NTRK2: variants seen among roughly 807,000 people sequenced by gnomAD.
The protein encoded by NTRK2 is neurotrophic receptor tyrosine kinase 2.
In NTRK2, 13 loss-of-function variants were observed where a neutral mutation model predicts 94.5. The ratio of observed to expected loss-of-function variants is 0.14; its 90% confidence interval spans 0.09 to 0.22. The LOEUF is 0.22. NTRK2 is among the 10% of genes least tolerant of loss of function. The pLI is 1.00. For synonymous variants in NTRK2, 372 were observed against 407.4 expected (o/e 0.91, Z 1.05); for missense variants, 639 against 1,071.2 (o/e 0.60, Z 5.63).
chr9:84,946,965 A>T (rs1213743458), intron 15 of NTRK2, among the ~76,000 whole-genome samples: 1 of 151,206 alleles, frequency 6.6e-6, no homozygotes, highest in Non-Finnish European at 1.5e-5. Flanking sequence ...GCTTTTATTT[A>T]TTTATTTGGA....
intron 17 of NTRK2, among the ~76,000 whole-genome samples, chr9:84,996,630 C>T (rs4242630): frequency 0.73 from 110,800 of 152,158 alleles, 40,991 homozygotes; most frequent in African/African-American, 0.82. Context: ...GCTGGGGTAG[C>T]GAGCCCTGCA....
At chr9:84,840,495 C>T (rs1024487169) in intron 12 of NTRK2, among the ~76,000 whole-genome samples, 1 of 152,054 alleles carries the variant, frequency 6.6e-6, no homozygotes, top group African/African-American at 2.4e-5. Flanking sequence ...ACCGCCCTCC[C>T]CATGTGCACT....
chr9:84,844,117 C>G (rs1052595838), intron 12 of NTRK2, among the ~76,000 whole-genome samples: 1 of 152,124 alleles, frequency 6.6e-6, no homozygotes, highest in South Asian at 2.1e-4. Flanking sequence ...TTGATCCATT[C>G]TAAGTAACAA....
At chr9:85,000,181 C>G (rs1244285618) in intron 17 of NTRK2, among the ~76,000 whole-genome samples, 1 of 152,156 alleles carries the variant, frequency 6.6e-6, no homozygotes, top group African/African-American at 2.4e-5. Flanking sequence ...CAGCCTCCCC[C>G]ACTGTTAACA....
At position 84,895,459 on chromosome 9, in the gene NTRK2, G is replaced by T. The variant is rs572853684; in HGVS notation, c.1633+28028G>T. ...AATCAAATCCTAGAGGAGAGACAGG[G>T]AATTCTCTTCACATTTCTCTGGAGC... On this transcript the variant is annotated intron_variant, in intron 14 of 18. Transcript: ENST00000277120. 3.9e-5 allele frequency among the ~76,000 whole-genome samples: 6 copies of T among 152,294 alleles called. No individual in the cohort carries two copies. In the South Asian group the frequency reaches 1.2e-3, roughly 32 times the overall value.
intron 2 of NTRK2, among the ~76,000 whole-genome samples, chr9:84,679,708 G>A (rs2059276256): frequency 6.6e-6 from 1 of 152,114 alleles, no homozygotes; most frequent in Non-Finnish European, 1.5e-5. Context: ...TTCCTTTTCT[G>A]TTCAAGAATT....
chr9:84,755,410 C>T (rs143131209), intron 12 of NTRK2, among the ~76,000 whole-genome samples: 31 of 152,114 alleles, frequency 2.0e-4, no homozygotes, highest in African/African-American at 7.2e-4. Flanking sequence ...CAACTCCGTC[C>T]ACCTAAGTTC....
At chr9:84,975,388 A>G (rs1826709870) in intron 17 of NTRK2, among the ~76,000 whole-genome samples, 1 of 152,358 alleles carries the variant, frequency 6.6e-6, no homozygotes, top group Non-Finnish European at 1.5e-5. Flanking sequence ...GCAAAAACAG[A>G]AATGGAATCA....
chr9:84,827,241 TA>T (rs1564358930), intron 12 of NTRK2, among the ~76,000 whole-genome samples: 1 of 152,128 alleles, frequency 6.6e-6, no homozygotes, highest in Non-Finnish European at 1.5e-5. Context: ...AAGTAACAGT[TA>T]AAGGGAGGAG....
chr9:84,816,101 A>G (rs537646018), intron 12 of NTRK2, among the ~76,000 whole-genome samples: 107 of 152,268 alleles, frequency 7.0e-4, no homozygotes, highest in African/African-American at 2.3e-3. Context: ...ATAAGAGAGT[A>G]TACTCAATGC....
chr9:84,861,937 T>C (rs2061910522), intron 13 of NTRK2, among the ~76,000 whole-genome samples: 1 of 152,170 alleles, frequency 6.6e-6, no homozygotes, highest in Admixed American at 6.5e-5. Flanking sequence ...CACCCTATGC[T>C]TGTTCATCCT....
intron 17 of NTRK2, among the ~76,000 whole-genome samples, chr9:84,986,204 G>T (rs538790556): frequency 6.6e-6 from 1 of 151,842 alleles, no homozygotes; most frequent in African/African-American, 2.4e-5. Context: ...GCTGCCCCCC[G>T]ACCCCTGCTC....
At chr9:85,011,863 G>A (rs1447196358) in intron 17 of NTRK2, among the ~76,000 whole-genome samples, 1 of 152,090 alleles carries the variant, frequency 6.6e-6, no homozygotes, top group African/African-American at 2.4e-5. Context: ...GTGCGCTTGG[G>A]TCGGTCCCTT....
intron 11 of NTRK2, among the ~76,000 whole-genome samples, chr9:84,750,327 C>G (rs2064474697): frequency 6.6e-6 from 1 of 152,086 alleles, no homozygotes. Context: ...AGTTCTACAC[C>G]CTGGCAGTGA....
At chr9:84,677,182 G>A (rs1186673986) in intron 2 of NTRK2, among the ~76,000 whole-genome samples, 2 of 152,106 alleles carry the variant, frequency 1.3e-5, no homozygotes, top group Admixed American at 6.5e-5. Context: ...TGCCACAGTC[G>A]GGGGTGCTTA....
Position 85,025,695 on chromosome 9 carries a change from C to T in NTRK2, c.*4258C>T, listed in dbSNP as rs1317270764. On this transcript the variant is annotated 3_prime_UTR_variant, in exon 19 of 19. Coordinates refer to ENST00000277120, the MANE Select transcript of NTRK2 (RefSeq NM_006180.6). ...CTTGCTTCCCCATTTTCTTTTTCATCCCCTGTCTCAGGACTTTTATTTTCA... is the reference window on the plus strand; with the variant it reads ...CTTGCTTCCCCATTTTCTTTTTCATTCCCTGTCTCAGGACTTTTATTTTCA... The T allele has an allele frequency of 2.6e-5, 6 of 233,074 alleles. No individual in the cohort carries two copies. Among genetic ancestry groups the T allele is most frequent in the Admixed American group, 5.6e-5 (1 of 17,784 alleles). The allele number at this position is 233,074 out of a possible 1,614,324, so 14.4% of individuals were successfully genotyped here.
At chr9:84,750,034 A>G (rs939639470) in intron 11 of NTRK2, among the ~76,000 whole-genome samples, 2 of 152,206 alleles carry the variant, frequency 1.3e-5, no homozygotes, top group African/African-American at 2.4e-5. Flanking sequence ...TTTAAAGGTT[A>G]GCCTTTTTCT....
chr9:84,725,890 G>C (rs541145201), intron 8 of NTRK2, among the ~76,000 whole-genome samples: 9 of 152,224 alleles, frequency 5.9e-5, no homozygotes, highest in African/African-American at 2.2e-4. Context: ...TACATGTGCA[G>C]AGTTCAGCTG....
Position 84,934,245 on chromosome 9 carries a change from T to C in NTRK2, c.1717T>C (p.Cys573Arg). ...CTTTGGAAAAGTGTTCCTAGCTGAA[T>C]GCTATAACCTCTGTCCTGAGCAGGA... Reference protein sequence around the residue: ...GAFGKVFLAECYNLCPEQDKI... With the variant: ...GAFGKVFLAERYNLCPEQDKI... The change falls in exon 15 of 19, where the codon TGC becomes CGC. Residue 573 changes from cysteine (C) to arginine (R), a missense_variant. Physicochemically the swap from Cys to Arg is radical, Grantham distance 180. Coordinates refer to ENST00000277120, the MANE Select transcript of NTRK2 (RefSeq NM_006180.6). 6.2e-7 allele frequency: 1 copy of C among 1,614,044 alleles called. No homozygotes were observed. The highest frequency in any genetic ancestry group is 8.5e-7 in the Non-Finnish European group (1 of 1,179,944).
Sources: allele counts gnomAD v4.1 joint callset (sites outside exome capture counted in the v4.1 genomes callset), GRCh38; gene constraint gnomAD v4.1.1; transcripts MANE v1.5; gene names NCBI Gene and HGNC (gene_info 2026-07-23, HGNC 2026-07-21).